Variants in UTRN observed in about 807,000 individuals in gnomAD.
The protein encoded by UTRN is dystrophin-related protein 1.
A neutral mutation model predicts 463.9 loss-of-function variants in UTRN; 283 were observed. That is an observed-to-expected ratio of 0.61 (90% CI 0.55 to 0.67). UTRN has a LOEUF of 0.67. Ranked by LOEUF, UTRN falls within the 30% of genes least tolerant of loss-of-function variation. UTRN has a pLI of 0.00. For missense variants in UTRN, 3,922 were observed against 4,084.3 expected, an observed-to-expected ratio of 0.96 and a Z score of 1.08; for synonymous variants, 1,442 against 1,431.5, an observed-to-expected ratio of 1.01 and a Z score of -0.17.
chr6:144,749,207 AATAAGAGAT>A (rs2128722705), intron 55 of UTRN, among the ~76,000 whole-genome samples: 1 of 152,326 alleles, frequency 6.6e-6, no homozygotes, highest in Non-Finnish European at 1.5e-5. Flanking sequence ...AAATTTAGAC[AATAAGAGAT>A]ATAAGAGATG....
rs866766475 is a variant in UTRN at position 144,514,675 on chromosome 6, C to T, written c.5099C>T (p.Ala1700Val). The T allele has an allele frequency of 6.2e-7, 1 of 1,613,992 alleles. No homozygotes were observed. The highest frequency in any genetic ancestry group is 2.2e-5 in the East Asian group (1 of 44,870). The change falls in exon 37 of 75, where the codon GCC (alanine) becomes GTC (valine). Residue 1700 changes from alanine (A) to valine (V), a missense_variant. Physicochemically the swap from Ala to Val is moderately conservative, Grantham distance 64. This residue lies in a region of UTRN where 2,349 missense variants were observed against 2,303.8 expected (regional missense o/e 1.02). Coordinates refer to ENST00000367545, the MANE Select transcript of UTRN (RefSeq NM_007124.3). The stretch of plus-strand genomic sequence containing the variant: ...CGTTTAGTATCTGAGCTGGATGATG[C>T]CAACCTCCAGGTTGAAAATGTCCGC... ...VKRLVSELDD[A>V]NLQVENVRDQ...
At chr6:144,726,769 A>G (rs970868021) in intron 53 of UTRN, among the ~76,000 whole-genome samples, 3 of 152,198 alleles carry the variant, frequency 2.0e-5, no homozygotes, top group Non-Finnish European at 2.9e-5. Context: ...AATCTGTGAT[A>G]TGGCTAAATC....
chr6:144,584,907 T>A lies in UTRN; in HGVS notation c.7479+7619T>A, dbSNP rs550743603. ...ATTTATGTTTTTCATGAAAAGGCAA[T>A]TTTGATAATAGATAAGAAAAGCTCA... On this transcript the variant is annotated intron_variant, in intron 51 of 74. Coordinates refer to ENST00000367545, the MANE Select transcript of UTRN (RefSeq NM_007124.3). 1.1e-4 allele frequency among the ~76,000 whole-genome samples: 16 copies of A among 152,206 alleles called. No homozygotes were observed. In the East Asian group the frequency reaches 3.1e-3, roughly 29 times the overall value.
intron 72 of UTRN, 56 bp downstream of exon 72, chr6:144,839,340 A>C: frequency 7.0e-7 from 1 of 1,438,032 alleles, no homozygotes; most frequent in Non-Finnish European, 9.7e-7. Flanking sequence ...CTTTGCCATT[A>C]GTTTGTGTTT....
At chr6:144,456,277 C>T (rs1460732840) in intron 19 of UTRN, among the ~76,000 whole-genome samples, 1 of 152,128 alleles carries the variant, frequency 6.6e-6, no homozygotes, top group Non-Finnish European at 1.5e-5. Flanking sequence ...CCACCATAGC[C>T]AATTCTGATA....
rs777304440 is a variant in UTRN at position 144,491,061 on chromosome 6, G to C, written c.4396G>C (p.Val1466Leu). 8 of 1,613,502 alleles carry C rather than the reference G, an allele frequency of 5.0e-6. No homozygotes were observed. Among genetic ancestry groups the C allele is most frequent in the Admixed American group, 1.7e-5 (1 of 59,868 alleles). The change falls in exon 32 of 75, where the codon GTA becomes CTA. Residue 1466 changes from valine to leucine, a missense_variant. This residue lies in a region of UTRN where 2,349 missense variants were observed against 2,303.8 expected (regional missense o/e 1.02). Transcript: ENST00000367545. Reference sequence around the variant, plus strand: ...ACTTCACGTTCTGGATGTGAAGGACGTAGACCCTGACGTCATACAGACGCA... The same window carrying C: ...ACTTCACGTTCTGGATGTGAAGGACCTAGACCCTGACGTCATACAGACGCA... ...AELHVLDVKD[V>L]DPDVIQTHLD...
At chr6:144,627,302 T>C (rs986961001) in intron 51 of UTRN, among the ~76,000 whole-genome samples, 1 of 152,210 alleles carries the variant, frequency 6.6e-6, no homozygotes. Context: ...AAGGGAGTAA[T>C]AGCTGTTACA....
At chr6:144,433,362 G>C (rs1391900808) in intron 9 of UTRN, among the ~76,000 whole-genome samples, 1 of 150,780 alleles carries the variant, frequency 6.6e-6, no homozygotes, top group African/African-American at 2.4e-5. Flanking sequence ...CCTGGCGGGG[G>C]CTGACCCCCA....
intron 73 of UTRN, among the ~76,000 whole-genome samples, chr6:144,844,218 G>C (rs1315022651): frequency 6.6e-6 from 1 of 151,352 alleles, no homozygotes; most frequent in Non-Finnish European, 1.5e-5. Flanking sequence ...ATGCAAAATA[G>C]AAATCAGCGT....
intron 8 of UTRN, 68 bp from the exon 9 acceptor site, chr6:144,429,512 CT>C (rs1785602331): frequency 7.2e-7 from 1 of 1,389,088 alleles, no homozygotes; most frequent in East Asian, 2.3e-5. Flanking sequence ...TATTTTATAT[CT>C]AATATTGAGC....
At chr6:144,445,477 A>T (rs1479387691) in intron 14 of UTRN, among the ~76,000 whole-genome samples, 1 of 151,926 alleles carries the variant, frequency 6.6e-6, no homozygotes, top group Non-Finnish European at 1.5e-5. Flanking sequence ...AAAAAACTCA[A>T]GTGTGTGATG....
chr6:144,841,206 G>A (rs1017172564), intron 73 of UTRN, among the ~76,000 whole-genome samples: 6 of 152,188 alleles, frequency 3.9e-5, no homozygotes, highest in African/African-American at 9.7e-5. Flanking sequence ...AACAAGGCAT[G>A]GAAACAGCCT....
At chr6:144,799,171 A>C (rs1399728791) in intron 64 of UTRN, among the ~76,000 whole-genome samples, 1 of 152,264 alleles carries the variant, frequency 6.6e-6, no homozygotes, top group Non-Finnish European at 1.5e-5. Context: ...TGAATTAAAC[A>C]GAATTGTTTT....
chr6:144,598,553 G>A (rs900898508), intron 51 of UTRN, among the ~76,000 whole-genome samples: 1 of 152,178 alleles, frequency 6.6e-6, no homozygotes, highest in Non-Finnish European at 1.5e-5. Flanking sequence ...GACCTGGAAA[G>A]GGAAGGGGAT....
At chr6:144,608,392 G>C (rs893550760) in intron 51 of UTRN, among the ~76,000 whole-genome samples, 5 of 152,290 alleles carry the variant, frequency 3.3e-5, no homozygotes, top group South Asian at 2.1e-4. Flanking sequence ...TGGTAGAATA[G>C]AAGTTATCGG....
At chr6:144,331,105 T>C (rs1776302946) in intron 2 of UTRN, 2 of 850,662 alleles carry the variant, frequency 2.4e-6, no homozygotes, top group Non-Finnish European at 2.8e-6. Flanking sequence ...CGCCAATAAT[T>C]AGTGTGAAAA....
chr6:144,479,669 A>G, intron 25 of UTRN, 143 bp from the exon 26 acceptor site: 1 of 921,546 alleles, frequency 1.1e-6, no homozygotes. Context: ...CGTTAGCATG[A>G]GATGTATGAG....
chr6:144,692,544 G>A (rs770114677), intron 52 of UTRN, among the ~76,000 whole-genome samples: 1 of 152,004 alleles, frequency 6.6e-6, no homozygotes, highest in Non-Finnish European at 1.5e-5. Context: ...CCTCAACCTT[G>A]TCAGCATCTG....
At chr6:144,751,694 A>C (rs1462446423) in intron 55 of UTRN, 112 bp from the exon 56 acceptor site, 14 of 1,026,442 alleles carry the variant, frequency 1.4e-5, no homozygotes, top group South Asian at 1.0e-4. Flanking sequence ...GTTGAGAAAA[A>C]TCTGTGCATA....
Sources: allele counts gnomAD v4.1 joint callset (sites outside exome capture counted in the v4.1 genomes callset), GRCh38; gene constraint gnomAD v4.1.1; regional missense constraint gnomAD v4.1.1; transcripts MANE v1.5; gene names NCBI Gene and HGNC (gene_info 2026-07-23, HGNC 2026-07-21).